The following EPB41L2 variants were observed in gnomAD, a reference collection of about 807,000 sequenced individuals.
EPB41L2 encodes erythrocyte membrane protein band 4.1 like 2.
EPB41L2 carries 43 observed loss-of-function variants against 113.0 expected under a neutral mutation model. The observed-to-expected ratio is 0.38, with a 90% CI of 0.30 to 0.49. EPB41L2 has a LOEUF of 0.49. Among genes scored for constraint, EPB41L2 ranks in the 20% least tolerant of loss-of-function variants. The pLI is 0.95. For synonymous variants in EPB41L2, 442 were observed against 436.7 expected, an observed-to-expected ratio of 1.01 and a Z score of -0.15; for missense variants, 1,147 against 1,223.4, an observed-to-expected ratio of 0.94 and a Z score of 0.93.
chr6:131,004,157 T>C (rs1053090369), intron 1 of EPB41L2, among the ~76,000 whole-genome samples: 8 of 152,152 alleles, frequency 5.3e-5, no homozygotes, highest in African/African-American at 1.9e-4. Context: ...CATGATAGGT[T>C]GTATTCCAAA....
At chr6:130,923,045 A>G (rs1349308856) in intron 4 of EPB41L2, among the ~76,000 whole-genome samples, 1 of 152,162 alleles carries the variant, frequency 6.6e-6, no homozygotes, top group Non-Finnish European at 1.5e-5. Flanking sequence ...CCAACCCCCC[A>G]GTCGAGTCCT....
At chr6:130,852,617 C>T (rs1429952816) in intron 19 of EPB41L2, among the ~76,000 whole-genome samples, 1 of 152,194 alleles carries the variant, frequency 6.6e-6, no homozygotes, top group Non-Finnish European at 1.5e-5. Context: ...CTTCCCAATG[C>T]ACTAACTTCC....
At chr6:130,844,078 C>G (rs912748733) in intron 19 of EPB41L2, among the ~76,000 whole-genome samples, 5 of 152,198 alleles carry the variant, frequency 3.3e-5, no homozygotes, top group African/African-American at 9.7e-5. Context: ...ACAGAAAATA[C>G]TAGCAATGCT....
rs190111374 is a variant in EPB41L2, at chr6:131,038,304, A to G, written c.-15+24851T>C. ...CATTTAAGAAACACCAAGCCTGTAG[A>G]GTCTTATATGGGACAATCCAGTGCA... On this transcript the variant is annotated intron_variant, in intron 1 of 19. Coordinates refer to ENST00000337057, the MANE Select transcript of EPB41L2 (RefSeq NM_001431.4). Among the ~76,000 whole-genome samples the G allele has an allele frequency of 2.0e-3, 302 of 152,314 alleles. 2 individuals are homozygous for G. The highest frequency in any genetic ancestry group is 6.9e-3 in the African/African-American group (285 of 41,582).
Position 130,893,170 on chromosome 6 carries a change from G to C in EPB41L2, c.1487+1174C>G, listed in dbSNP as rs192806989. On this transcript the variant is annotated intron_variant, in intron 10 of 19. Coordinates refer to ENST00000337057, the MANE Select transcript of EPB41L2 (RefSeq NM_001431.4). ...CTTATATAACCATATATACATATTT[G>C]TTGTTGTTTTTTAAAGAGCAAGATG... 2.0e-5 allele frequency among the ~76,000 whole-genome samples: 3 copies of C among 152,232 alleles called. No individual in the cohort carries two copies. The East Asian group carries it at 5.8e-4, about 29-fold the overall frequency.
chr6:130,996,292 G>A (rs1054576509), intron 1 of EPB41L2, among the ~76,000 whole-genome samples: 54 of 152,316 alleles, frequency 3.5e-4, no homozygotes, highest in Middle Eastern at 3.4e-3. Context: ...CTGATGCCCA[G>A]ACATAAACAA....
chr6:130,985,299 G>A (rs2067394155), intron 1 of EPB41L2, among the ~76,000 whole-genome samples: 1 of 152,128 alleles, frequency 6.6e-6, no homozygotes, highest in African/African-American at 2.4e-5. Context: ...CACATTTGGG[G>A]GGGGACTTTC....
chr6:130,891,518 G>A lies in EPB41L2; in HGVS notation c.1488-1052C>T, dbSNP rs182539893. Among the ~76,000 whole-genome samples, 4 of 152,108 alleles carry A rather than the reference G, an allele frequency of 2.6e-5. No individual in the cohort carries two copies. The East Asian group carries it at 5.8e-4, about 22-fold the overall frequency. On this transcript the variant is annotated intron_variant, in intron 10 of 19. Transcript: ENST00000337057. ...GGCTAGAGTGCAGTGTTGCAATCTC[G>A]GCTCACTGCAACCTCCGCCTCCCGG...
At chr6:130,947,992 C>T (rs370285457) in intron 3 of EPB41L2, among the ~76,000 whole-genome samples, 1 of 152,106 alleles carries the variant, frequency 6.6e-6, no homozygotes, top group East Asian at 1.9e-4. Flanking sequence ...TGTGGGATAG[C>T]ATCACTAAAA....
rs1430976720 is a variant in EPB41L2, at chr6:130,865,590, T to C, written c.2775A>G (p.Ala925=). 1.2e-6 allele frequency: 2 copies of C among 1,614,202 alleles called. No homozygotes were observed. The highest frequency in any genetic ancestry group is 1.7e-6 in the Non-Finnish European group (2 of 1,180,032). ...AGGDSGTLLT[A]QTITSESVST... is the part of the protein sequence containing the mutation. Reference sequence around the variant, plus strand: ...ACACGGACTCAGATGTGATGGTTTGTGCGGTCAGTAACGTGCCCGAATCAC... The same window carrying C: ...ACACGGACTCAGATGTGATGGTTTGCGCGGTCAGTAACGTGCCCGAATCAC... The change falls in exon 17 of 20, where the codon GCA becomes GCG. Residue 925 remains alanine (A), a synonymous_variant. Transcript: ENST00000337057.
At position 131,049,151 on chromosome 6, in the gene EPB41L2, G is replaced by A. The variant is rs555007767; in HGVS notation, c.-15+14004C>T. On this transcript the variant is annotated intron_variant, in intron 1 of 19. Transcript: ENST00000337057. ...TGCAAAAGTTTAGAATATCTTCAAC[G>A]TACCTTTATTTTCCTCCTGTTTTCG... 2.2e-4 allele frequency among the ~76,000 whole-genome samples: 34 copies of A among 152,312 alleles called. 1 individual carries two copies. Among genetic ancestry groups the A allele is most frequent in the Middle Eastern group, 6.8e-3 (2 of 294 alleles).
chr6:130,891,555 T>A (rs1792893240), intron 10 of EPB41L2, among the ~76,000 whole-genome samples: 1 of 152,114 alleles, frequency 6.6e-6, no homozygotes, highest in African/African-American at 2.4e-5. Flanking sequence ...TTCGAGTGAT[T>A]CTCCTGCCTC....
At chr6:130,854,221 T>C (rs1779576691) in intron 19 of EPB41L2, among the ~76,000 whole-genome samples, 1 of 152,146 alleles carries the variant, frequency 6.6e-6, no homozygotes, top group Non-Finnish European at 1.5e-5. Flanking sequence ...ACACCTACCT[T>C]CCTGGAGCAC....
At chr6:130,840,948 C>CA (rs1250737299) in intron 19 of EPB41L2, among the ~76,000 whole-genome samples, 1 of 152,046 alleles carries the variant, frequency 6.6e-6, no homozygotes, top group Admixed American at 6.6e-5. Context: ...AAGGGAAAGT[C>CA]AAAGTCTATT....
chr6:130,964,011 C>A (rs1774305561), intron 1 of EPB41L2, among the ~76,000 whole-genome samples: 1 of 149,932 alleles, frequency 6.7e-6, no homozygotes, highest in African/African-American at 2.5e-5. Context: ...AAGCTATATT[C>A]TTTCTTTTCT....
At chr6:130,939,410 AG>A (rs1249704156) in intron 3 of EPB41L2, among the ~76,000 whole-genome samples, 2 of 151,932 alleles carry the variant, frequency 1.3e-5, no homozygotes, top group African/African-American at 4.8e-5. Context: ...TGTGCCACCA[AG>A]CCCGGCTAAT....
intron 1 of EPB41L2, among the ~76,000 whole-genome samples, chr6:130,988,552 C>T (rs1318336739): frequency 6.6e-6 from 1 of 151,898 alleles, no homozygotes; most frequent in Non-Finnish European, 1.5e-5. Flanking sequence ...TGAGGGGTGG[C>T]GGGGGAGACT....
intron 12 of EPB41L2, among the ~76,000 whole-genome samples, chr6:130,884,232 G>A (rs1448768846): frequency 6.6e-6 from 1 of 152,106 alleles, no homozygotes; most frequent in Non-Finnish European, 1.5e-5. Context: ...CTACTTGGGA[G>A]GCTGAGGCAG....
chr6:131,010,673 A>G (rs1786722899), intron 1 of EPB41L2, among the ~76,000 whole-genome samples: 2 of 152,238 alleles, frequency 1.3e-5, no homozygotes, highest in African/African-American at 4.8e-5. Context: ...TCAGCCTCCC[A>G]ATGTGCTGGA....
Sources: allele counts gnomAD v4.1 joint callset (sites outside exome capture counted in the v4.1 genomes callset), GRCh38; gene constraint gnomAD v4.1.1; transcripts MANE v1.5; gene names NCBI Gene and HGNC (gene_info 2026-07-23, HGNC 2026-07-21).